SLC25A20: variants seen among roughly 807,000 people sequenced by gnomAD.
The protein encoded by SLC25A20 is solute carrier family 25 member 20.
Under a neutral mutation model 39.7 loss-of-function variants are expected in SLC25A20, and 29 were observed. The observed-to-expected ratio is 0.73, with a 90% CI of 0.54 to 1.00. SLC25A20 has a LOEUF of 1.00. Ranked by LOEUF, SLC25A20 falls within the 50% of genes least tolerant of loss-of-function variation. The pLI, the probability that SLC25A20 is intolerant of heterozygous loss-of-function variation, is 0.00. For missense variants in SLC25A20, 333 were observed against 379.9 expected (o/e 0.88, Z 1.03); for synonymous variants, 103 against 142.2 (o/e 0.72, Z 1.96).
At chr3:48,889,753 A>G (rs2083859691) in intron 2 of SLC25A20, among the ~76,000 whole-genome samples, 1 of 152,228 alleles carries the variant, frequency 6.6e-6, no homozygotes. Context: ...GTTATAATAC[A>G]AATTAGATAT....
chr3:48,868,969 C>A (rs2083691518), intron 4 of SLC25A20, among the ~76,000 whole-genome samples: 1 of 152,088 alleles, frequency 6.6e-6, no homozygotes, highest in South Asian at 2.1e-4. Context: ...CAGCTGGTAC[C>A]AGCACCTTGC....
intron 4 of SLC25A20, among the ~76,000 whole-genome samples, chr3:48,867,086 C>T (rs913343823): frequency 6.6e-6 from 1 of 151,728 alleles, no homozygotes; most frequent in Non-Finnish European, 1.5e-5. Context: ...TGAGCCACCG[C>T]GCCTGGCCCA....
chr3:48,873,433 A>G (rs1028120675), intron 4 of SLC25A20, among the ~76,000 whole-genome samples: 1 of 146,430 alleles, frequency 6.8e-6, no homozygotes, highest in Non-Finnish European at 1.5e-5. Context: ...ACATGGTGAA[A>G]CCCCGTCTCT....
At chr3:48,883,499 C>T (rs1042927445) in intron 3 of SLC25A20, among the ~76,000 whole-genome samples, 116 of 149,296 alleles carry the variant, frequency 7.8e-4, no homozygotes, top group African/African-American at 2.2e-3. Flanking sequence ...TGCAGTGAGC[C>T]GAGATTGTGC....
intron 2 of SLC25A20, among the ~76,000 whole-genome samples, chr3:48,888,650 A>G (rs2083852169): frequency 6.6e-6 from 1 of 152,088 alleles, no homozygotes; most frequent in Admixed American, 6.6e-5. Context: ...CCCAAGTCCT[A>G]CAGGAATCCT....
chr3:48,898,614 G>A, intron 1 of SLC25A20, 76 bp downstream of exon 1: 2 of 1,348,572 alleles, frequency 1.5e-6, no homozygotes, highest in Non-Finnish European at 1.0e-6. Context: ...CCCAGCGTCC[G>A]CGCCTCGCGG....
intron 4 of SLC25A20, among the ~76,000 whole-genome samples, chr3:48,876,073 T>C (rs559037621): frequency 2.6e-5 from 4 of 151,916 alleles, no homozygotes; most frequent in Non-Finnish European, 5.9e-5. Flanking sequence ...CCAGGCACAG[T>C]GGCTCACGCC....
intron 2 of SLC25A20, among the ~76,000 whole-genome samples, chr3:48,886,649 G>T (rs937878834): frequency 6.6e-6 from 1 of 152,062 alleles, no homozygotes; most frequent in African/African-American, 2.4e-5. Context: ...GAGAATGAAG[G>T]AAAGAGATAA....
chr3:48,872,717 G>T (rs1326197807), intron 4 of SLC25A20, among the ~76,000 whole-genome samples: 1 of 150,692 alleles, frequency 6.6e-6, no homozygotes, highest in Non-Finnish European at 1.5e-5. Context: ...TGTTTAATTA[G>T]CTGTTTTTGG....
chr3:48,877,976 A>G (rs2106652081), intron 4 of SLC25A20, among the ~76,000 whole-genome samples: 1 of 152,104 alleles, frequency 6.6e-6, no homozygotes, highest in Non-Finnish European at 1.5e-5. Context: ...GAAAACCTTG[A>G]AATAGTCCAG....
intron 4 of SLC25A20, among the ~76,000 whole-genome samples, chr3:48,871,882 C>G (rs2083718122): frequency 6.6e-6 from 1 of 151,102 alleles, no homozygotes; most frequent in Admixed American, 6.6e-5. Context: ...TGCAGTGGCA[C>G]AATCCTCACT....
chr3:48,869,166 G>T (rs1007575829), intron 4 of SLC25A20, among the ~76,000 whole-genome samples: 1 of 152,074 alleles, frequency 6.6e-6, no homozygotes, highest in African/African-American at 2.4e-5. Context: ...AACTCAATAT[G>T]TAAATATCCA....
chr3:48,875,748 G>C (rs2083750978), intron 4 of SLC25A20, among the ~76,000 whole-genome samples: 1 of 152,166 alleles, frequency 6.6e-6, no homozygotes, highest in Admixed American at 6.5e-5. Flanking sequence ...TGGGCATGAT[G>C]GCTCATGCCT....
Position 48,897,373 on chromosome 3 carries a change from T to A in SLC25A20, c.105+1317A>T, listed in dbSNP as rs1189631376. Reference sequence around the variant, plus strand: ...TATATATATATATATATATATTTTTTTTTTTTTTTTTTTTAAGGGCGGCCC... The same window carrying A: ...TATATATATATATATATATATTTTTATTTTTTTTTTTTTTAAGGGCGGCCC... On this transcript the variant is annotated intron_variant, in intron 1 of 8. Coordinates refer to ENST00000319017, the MANE Select transcript of SLC25A20 (RefSeq NM_000387.6). Among the ~76,000 whole-genome samples, 375 of 140,950 alleles carry A rather than the reference T, an allele frequency of 2.7e-3. 4 individuals carry two copies. Among genetic ancestry groups the A allele is most frequent in the African/African-American group, 8.1e-3 (304 of 37,424 alleles). The allele number at this position is 140,950 out of a possible 152,430, so 92.5% of individuals were successfully genotyped here.
At chr3:48,897,558 A>T (rs975253689) in intron 1 of SLC25A20, among the ~76,000 whole-genome samples, 2 of 151,850 alleles carry the variant, frequency 1.3e-5, no homozygotes, top group Admixed American at 6.6e-5. Flanking sequence ...ATTTGATTTC[A>T]TGTTGCACAA....
intron 4 of SLC25A20, among the ~76,000 whole-genome samples, chr3:48,868,697 C>G (rs1205668338): frequency 1.3e-5 from 2 of 152,086 alleles, no homozygotes; most frequent in African/African-American, 2.4e-5. Flanking sequence ...CAAAAAGGAC[C>G]AGGAAAGGTC....
At chr3:48,896,204 A>G (rs1157453668) in intron 1 of SLC25A20, among the ~76,000 whole-genome samples, 1 of 150,852 alleles carries the variant, frequency 6.6e-6, no homozygotes, top group Non-Finnish European at 1.5e-5. Flanking sequence ...CTTTTGAGAC[A>G]GTGTCTCATT....
chr3:48,870,364 G>A (rs1397779457), intron 4 of SLC25A20, among the ~76,000 whole-genome samples: 1 of 152,098 alleles, frequency 6.6e-6, no homozygotes, highest in African/African-American at 2.4e-5. Context: ...CAGAAAGGTT[G>A]TAGAATACAA....
intron 2 of SLC25A20, among the ~76,000 whole-genome samples, chr3:48,888,471 GA>G (rs1181033812): frequency 1.3e-5 from 2 of 151,778 alleles, no homozygotes; most frequent in Non-Finnish European, 2.9e-5. Flanking sequence ...TCGGGAGGCT[GA>G]GGCAGGAGAA....
Sources: gnomAD v4.1 joint callset for allele counts (sites outside exome capture counted in the v4.1 genomes callset) on GRCh38, gnomAD v4.1.1 for gene constraint, MANE v1.5 for transcripts, NCBI Gene and HGNC (gene_info 2026-07-23, HGNC 2026-07-21) for gene names.